The following HIRA variants were observed in gnomAD, a reference collection of about 807,000 sequenced individuals.
The protein encoded by HIRA is histone cell cycle regulator, also known as protein HIRA.
A neutral mutation model predicts 126.6 loss-of-function variants in HIRA; 13 were observed. The observed-to-expected ratio is 0.10, with a 90% CI of 0.07 to 0.16. The LOEUF (loss-of-function observed/expected upper bound fraction) is 0.16, where lower values mean the gene tolerates loss of function less well. Ranked by LOEUF, HIRA falls within the 10% of genes least tolerant of loss-of-function variation. HIRA has a pLI of 1.00. For missense variants in HIRA, 834 were observed against 1,314.4 expected (o/e 0.63, Z 5.65); for synonymous variants, 511 against 520.0 (o/e 0.98, Z 0.24).
At chr22:19,420,428 T>C (rs2089435282) in intron 1 of HIRA, among the ~76,000 whole-genome samples, 1 of 136,860 alleles carries the variant, frequency 7.3e-6, no homozygotes, top group Non-Finnish European at 1.5e-5. Flanking sequence ...ATCACGCCAC[T>C]GCACTGCAGC....
At chr22:19,429,759 G>C (rs2089516706) in intron 1 of HIRA, among the ~76,000 whole-genome samples, 1 of 152,154 alleles carries the variant, frequency 6.6e-6, no homozygotes, top group African/African-American at 2.4e-5. Context: ...TTATCAAAAA[G>C]GAACAAGTTA....
chr22:19,377,049 G>A lies in HIRA; in HGVS notation c.1613+820C>T, dbSNP rs961938569. Among the ~76,000 whole-genome samples, 23 of 152,348 alleles carry A rather than the reference G, an allele frequency of 1.5e-4. No individual in the cohort carries two copies. In the East Asian group the frequency reaches 4.4e-3, roughly 29 times the overall value. On this transcript the variant is annotated intron_variant, in intron 14 of 24. Coordinates refer to ENST00000263208, the MANE Select transcript of HIRA (RefSeq NM_003325.4). The stretch of plus-strand genomic sequence containing the variant: ...TCCCTCTTCTTGGCCTTCCTCAGGG[G>A]ACTGGGGGGCTGCTGCCCCTAATCC...
At chr22:19,374,444 G>A (rs1404132122) in intron 15 of HIRA, among the ~76,000 whole-genome samples, 4 of 152,118 alleles carry the variant, frequency 2.6e-5, no homozygotes, top group South Asian at 2.1e-4. Context: ...ATGAGCTATC[G>A]CATGTGGCCT....
intron 15 of HIRA, among the ~76,000 whole-genome samples, chr22:19,373,856 G>A (rs571072874): frequency 7.2e-6 from 1 of 139,036 alleles, no homozygotes; most frequent in Non-Finnish European, 1.6e-5. Context: ...AAGTCGATGT[G>A]GTCATTAAAA....
At chr22:19,377,059 C>T (rs1483560423) in intron 14 of HIRA, among the ~76,000 whole-genome samples, 1 of 152,242 alleles carries the variant, frequency 6.6e-6, no homozygotes, top group African/African-American at 2.4e-5. Flanking sequence ...GACTGGGGGG[C>T]TGCTGCCCCT....
intron 1 of HIRA, among the ~76,000 whole-genome samples, chr22:19,424,400 C>T (rs1206220897): frequency 1.3e-5 from 2 of 152,182 alleles, no homozygotes; most frequent in Admixed American, 6.5e-5. Context: ...TACCCCACAA[C>T]CAGAGAACTC....
chr22:19,341,417 C>G (rs2088627099), intron 24 of HIRA, among the ~76,000 whole-genome samples: 1 of 146,976 alleles, frequency 6.8e-6, no homozygotes. Flanking sequence ...CCACTGCACT[C>G]CAACCTGGGT....
intron 24 of HIRA, among the ~76,000 whole-genome samples, chr22:19,346,407 G>C (rs2088687432): frequency 6.6e-6 from 1 of 152,210 alleles, no homozygotes; most frequent in Admixed American, 6.5e-5. Context: ...GAAGGCTCAT[G>C]CTCACTCATC....
At chr22:19,406,278 G>A (rs2089307286) in intron 4 of HIRA, among the ~76,000 whole-genome samples, 1 of 152,160 alleles carries the variant, frequency 6.6e-6, no homozygotes, top group Non-Finnish European at 1.5e-5. Context: ...GGTGTGATGA[G>A]GGATATTTTT....
At chr22:19,369,422 T>C (rs1412395049) in intron 15 of HIRA, among the ~76,000 whole-genome samples, 5 of 152,154 alleles carry the variant, frequency 3.3e-5, no homozygotes, top group Admixed American at 2.0e-4. Context: ...AGGACCAAGA[T>C]ACGGCTTTAC....
chr22:19,379,281 G>A (rs1224754568), intron 13 of HIRA, among the ~76,000 whole-genome samples: 8 of 151,302 alleles, frequency 5.3e-5, no homozygotes, highest in African/African-American at 1.9e-4. Flanking sequence ...CAAAGTGCTG[G>A]GATTACAGGT....
Position 19,405,826 on chromosome 22 carries a change from C to T in HIRA, c.357G>A (p.Glu119=). 6.6e-7 allele frequency: 1 copy of T among 1,510,098 alleles called. No homozygotes were observed. The highest frequency in any genetic ancestry group is 8.9e-7 in the Non-Finnish European group (1 of 1,124,014). The allele number at this position is 1,510,098 out of a possible 1,614,324, so 93.5% of individuals were successfully genotyped here. A position where few individuals can be genotyped will look rare whatever the true frequency, so the allele number is the denominator to read the frequency against. ...GGAGGATAGAGACACACCGCCACTG[C>T]TCCACATTGGCAAGCTTACCACTGG... ...FGSSGKLANV[E]QWRCVSILRN... is the part of the protein sequence containing the mutation. The change falls in exon 5 of 25, where the codon GAG becomes GAA. Residue 119 remains glutamate (E), a synonymous_variant. Coordinates refer to ENST00000263208, the MANE Select transcript of HIRA (RefSeq NM_003325.4).
intron 1 of HIRA, among the ~76,000 whole-genome samples, chr22:19,416,747 A>G (rs1046837654): frequency 1.1e-4 from 17 of 152,244 alleles, no homozygotes; most frequent in Non-Finnish European, 2.2e-4. Flanking sequence ...AAAGGAAAAT[A>G]TCAACAGAAT....
chr22:19,367,587 G>A (rs1463804556), intron 15 of HIRA, among the ~76,000 whole-genome samples: 1 of 152,120 alleles, frequency 6.6e-6, no homozygotes, highest in African/African-American at 2.4e-5. Context: ...GGGTGGTCTC[G>A]AATTCCTGAC....
chr22:19,389,129 G>A (rs2089154208), intron 9 of HIRA, among the ~76,000 whole-genome samples: 1 of 152,084 alleles, frequency 6.6e-6, no homozygotes, highest in African/African-American at 2.4e-5. Flanking sequence ...TCTATTTTGT[G>A]CAAATATTTA....
chr22:19,372,721 G>A (rs1436335414), intron 15 of HIRA, among the ~76,000 whole-genome samples: 1 of 151,976 alleles, frequency 6.6e-6, no homozygotes, highest in East Asian at 1.9e-4. Context: ...ATAGGCGCCT[G>A]CCACCATGCC....
At chr22:19,420,472 A>AAACT (rs915448631) in intron 1 of HIRA, among the ~76,000 whole-genome samples, 1 of 57,762 alleles carries the variant, frequency 1.7e-5, no homozygotes, top group Non-Finnish European at 6.4e-5. Context: ...CAAAAAAAAA[A>AAACT]AAAAAAAAAC....
At chr22:19,428,784 TA>T (rs199570689) in intron 1 of HIRA, among the ~76,000 whole-genome samples, 10 of 149,660 alleles carry the variant, frequency 6.7e-5, no homozygotes, top group East Asian at 3.9e-4. Flanking sequence ...CCATTTCTAT[TA>T]AAAAAAAAAG....
chr22:19,341,898 G>C (rs993660575), intron 24 of HIRA, among the ~76,000 whole-genome samples: 1 of 152,182 alleles, frequency 6.6e-6, no homozygotes, highest in African/African-American at 2.4e-5. Flanking sequence ...TAGGCAAATA[G>C]TTCATGACTA....
Sources: gnomAD v4.1 joint callset for allele counts (sites outside exome capture counted in the v4.1 genomes callset) on GRCh38, gnomAD v4.1.1 for gene constraint, MANE v1.5 for transcripts, NCBI Gene and HGNC (gene_info 2026-07-23, HGNC 2026-07-21) for gene names.